The following ZCCHC17 variants were observed in gnomAD, a reference collection of about 807,000 sequenced individuals.
ZCCHC17 encodes zinc finger CCHC domain-containing protein 17.
A neutral mutation model predicts 30.6 loss-of-function variants in ZCCHC17; 18 were observed. The observed-to-expected ratio is 0.59, with a 90% confidence interval of 0.41 to 0.87. The LOEUF (loss-of-function observed/expected upper bound fraction) is 0.87. Among genes scored for constraint, ZCCHC17 ranks in the 40% least tolerant of loss-of-function variants. The probability of loss-of-function intolerance (pLI) is 0.00; values close to 1 mark genes in which losing one functional copy is unlikely to be tolerated. For missense variants in ZCCHC17, 263 were observed against 284.2 expected, an observed-to-expected ratio of 0.93 and a Z score of 0.54; for synonymous variants, 88 against 92.4, an observed-to-expected ratio of 0.95 and a Z score of 0.27.
chr1:31,346,830 T>G (rs1321574800), intron 6 of ZCCHC17, 90 bp downstream of exon 6: 2 of 1,569,108 alleles, frequency 1.3e-6, no homozygotes, highest in Non-Finnish European at 1.7e-6. Flanking sequence ...TGAGTTTAGT[T>G]TACCCTGTTT....
intron 5 of ZCCHC17, among the ~76,000 whole-genome samples, chr1:31,342,031 G>GTA (rs753694757): frequency 6.6e-6 from 1 of 152,092 alleles, no homozygotes; most frequent in Non-Finnish European, 1.5e-5. Context: ...TGTGCCTGAT[G>GTA]TATAGCATCC....
intron 7 of ZCCHC17, among the ~76,000 whole-genome samples, chr1:31,354,280 T>A (rs569041018): frequency 5.3e-5 from 8 of 152,378 alleles, no homozygotes; most frequent in African/African-American, 1.9e-4. Context: ...GCATGTTCGT[T>A]TTGTATTCTG....
At chr1:31,322,590 A>G (rs1035109078) in intron 3 of ZCCHC17, among the ~76,000 whole-genome samples, 1 of 152,196 alleles carries the variant, frequency 6.6e-6, no homozygotes, top group African/African-American at 2.4e-5. Flanking sequence ...CAACTCTCCA[A>G]ACTCCATTGC....
At chr1:31,355,050 C>T (rs1055118973) in intron 7 of ZCCHC17, among the ~76,000 whole-genome samples, 2 of 152,044 alleles carry the variant, frequency 1.3e-5, no homozygotes, top group Non-Finnish European at 2.9e-5. Flanking sequence ...TGGCGAGGGC[C>T]TGTAATCCTA....
intron 1 of ZCCHC17, among the ~76,000 whole-genome samples, chr1:31,307,137 A>ATT (rs546484387): frequency 2.1e-5 from 3 of 143,060 alleles, no homozygotes; most frequent in African/African-American, 2.6e-5. Context: ...TGCCTGGCTG[A>ATT]TTTTTTTTTT....
intron 7 of ZCCHC17, among the ~76,000 whole-genome samples, chr1:31,356,151 G>T (rs1032396267): frequency 6.6e-6 from 1 of 152,196 alleles, no homozygotes; most frequent in East Asian, 1.9e-4. Context: ...ATGAAATAAA[G>T]ATCATATGGT....
chr1:31,363,073 C>G (rs866022392), intron 7 of ZCCHC17, among the ~76,000 whole-genome samples: 1 of 151,908 alleles, frequency 6.6e-6, no homozygotes, highest in African/African-American at 2.4e-5. Flanking sequence ...GTTATACGCA[C>G]TGGAACCTAC....
chr1:31,348,127 G>T (rs1639342197), intron 6 of ZCCHC17, among the ~76,000 whole-genome samples: 1 of 152,304 alleles, frequency 6.6e-6, no homozygotes, highest in Admixed American at 6.5e-5. Flanking sequence ...ATTTGTCCCA[G>T]TTAGTAAAGG....
At chr1:31,302,806 C>T (rs534968732) in intron 1 of ZCCHC17, among the ~76,000 whole-genome samples, 7 of 152,122 alleles carry the variant, frequency 4.6e-5, no homozygotes, top group Non-Finnish European at 7.4e-5. Flanking sequence ...CATCAGATCT[C>T]GTGAAAACTC....
intron 3 of ZCCHC17, among the ~76,000 whole-genome samples, chr1:31,324,168 A>G (rs996091935): frequency 2.0e-5 from 3 of 152,238 alleles, no homozygotes; most frequent in Admixed American, 6.5e-5. Context: ...ATGAAACACA[A>G]TAAATGTCAG....
At chr1:31,361,352 T>C (rs146611920) in intron 7 of ZCCHC17, among the ~76,000 whole-genome samples, 3 of 152,338 alleles carry the variant, frequency 2.0e-5, no homozygotes, top group Admixed American at 6.5e-5. Flanking sequence ...AAAATACATA[T>C]AGCTCCCACT....
At chr1:31,337,831 C>T (rs1247405729) in intron 4 of ZCCHC17, among the ~76,000 whole-genome samples, 1 of 152,072 alleles carries the variant, frequency 6.6e-6, no homozygotes, top group African/African-American at 2.4e-5. Flanking sequence ...CCAGAGACAG[C>T]ACAGGAGATA....
chr1:31,335,814 A>G (rs1638792831), intron 3 of ZCCHC17, among the ~76,000 whole-genome samples: 1 of 152,110 alleles, frequency 6.6e-6, no homozygotes, highest in Non-Finnish European at 1.5e-5. Context: ...ATTGAATATT[A>G]TTTTCTAAAT....
intron 5 of ZCCHC17, among the ~76,000 whole-genome samples, chr1:31,343,688 ATTTTT>A (rs10718784): frequency 2.3e-5 from 3 of 131,992 alleles, no homozygotes; most frequent in Non-Finnish European, 3.2e-5. Flanking sequence ...GTAGTATATA[ATTTTT>A]TTTTTTTTTT....
In ZCCHC17 at chr1:31,348,978, AATGCT is replaced by A; in HGVS notation, c.564+6_564+10del. 6.4e-7 allele frequency: 1 copy of A among 1,564,978 alleles called. No individual in the cohort carries two copies. Among genetic ancestry groups the A allele is most frequent in the Non-Finnish European group, 8.6e-7 (1 of 1,163,282 alleles). On this transcript the variant is annotated splice_donor_5th_base_variant and intron_variant, in intron 7 of 7. Transcript: ENST00000344147. ...TCCTTCTAGAAAAAGAAAGAAGGTG[AATGCT>A]ACTTTGCTTTTATTTTATCATGTCT... is the stretch of plus-strand genomic sequence containing the variant.
At chr1:31,306,271 G>A (rs1162429053) in intron 1 of ZCCHC17, among the ~76,000 whole-genome samples, 1 of 151,862 alleles carries the variant, frequency 6.6e-6, no homozygotes, top group East Asian at 1.9e-4. Context: ...TACCAAAATT[G>A]CCAGCATTAC....
At chr1:31,317,028 T>TC (rs796162076) in intron 2 of ZCCHC17, among the ~76,000 whole-genome samples, 21 of 145,994 alleles carry the variant, frequency 1.4e-4, no homozygotes, top group African/African-American at 4.8e-4. Flanking sequence ...TTTTTTCTTT[T>TC]TTTTTTTTTT....
At chr1:31,355,309 A>G (rs1323383537) in intron 7 of ZCCHC17, among the ~76,000 whole-genome samples, 2 of 152,230 alleles carry the variant, frequency 1.3e-5, no homozygotes, top group Non-Finnish European at 2.9e-5. Flanking sequence ...ATTTCTACCA[A>G]GATAGCATTT....
intron 4 of ZCCHC17, among the ~76,000 whole-genome samples, chr1:31,338,725 C>G (rs1638917248): frequency 6.6e-6 from 1 of 152,126 alleles, no homozygotes; most frequent in African/African-American, 2.4e-5. Context: ...TTTTGAGCTA[C>G]CATTTTTGTC....
Sources: gnomAD v4.1 joint callset for allele counts (sites outside exome capture counted in the v4.1 genomes callset) on GRCh38, gnomAD v4.1.1 for gene constraint, MANE v1.5 for transcripts, NCBI Gene and HGNC (gene_info 2026-07-23, HGNC 2026-07-21) for gene names.